Variants in EHMT1 observed in about 807,000 individuals in gnomAD.
EHMT1 encodes the protein euchromatic histone lysine methyltransferase 1.
EHMT1 carries 15 observed loss-of-function variants against 147.2 expected under a neutral mutation model. The observed-to-expected ratio is 0.10, with a 90% CI of 0.07 to 0.16. EHMT1 has a LOEUF of 0.16. Ranked by LOEUF, EHMT1 falls within the 10% of genes least tolerant of loss-of-function variation. The pLI is 1.00. For missense variants in EHMT1, 1,587 were observed against 1,772.4 expected (o/e 0.90, Z 1.88); for synonymous variants, 795 against 709.6 (o/e 1.12, Z -1.91).
chr9:137,670,059 C>T (rs898908307), intron 1 of EHMT1, among the ~76,000 whole-genome samples: 4 of 152,088 alleles, frequency 2.6e-5, no homozygotes, highest in Middle Eastern at 3.2e-3. Context: ...GAGGTTTCAC[C>T]TTGTTGGCCA....
At chr9:137,675,157 G>A (rs1298945001) in intron 1 of EHMT1, 1 of 152,236 alleles carries the variant, frequency 6.6e-6, no homozygotes, top group East Asian at 1.9e-4. Flanking sequence ...GTCATGAAGT[G>A]TGAACTTGAT....
At chr9:137,664,799 T>C (rs1939452939) in intron 1 of EHMT1, 1 of 152,290 alleles carries the variant, frequency 6.6e-6, no homozygotes, top group Non-Finnish European at 1.5e-5. Context: ...GACCACGCTC[T>C]GTTGCCTTAA....
intron 1 of EHMT1, among the ~76,000 whole-genome samples, chr9:137,689,744 TTTGGGTACCTGCGA>T (rs1249654194): frequency 6.6e-6 from 1 of 152,182 alleles, no homozygotes; most frequent in Non-Finnish European, 1.5e-5. Flanking sequence ...TACACATTTT[TTTGGGTACCTGCGA>T]TTGTCATTTG....
intron 1 of EHMT1, among the ~76,000 whole-genome samples, chr9:137,675,629 AATT>A (rs1941188592): frequency 1.0e-5 from 1 of 99,776 alleles, no homozygotes; most frequent in African/African-American, 5.7e-5. Flanking sequence ...ACGCCCGGCT[AATT>A]TTTTTTTTTT....
intron 6 of EHMT1, 125 bp from the exon 7 acceptor site, chr9:137,752,206 C>T (rs527530234): frequency 2.6e-5 from 31 of 1,179,560 alleles, no homozygotes; most frequent in East Asian, 5.1e-5. Flanking sequence ...GCCCCGCGAG[C>T]GTCTCCGGCG....
intron 2 of EHMT1, among the ~76,000 whole-genome samples, chr9:137,713,495 TCTC>T (rs1944932007): frequency 6.6e-6 from 1 of 151,408 alleles, no homozygotes. Flanking sequence ...ATGGTCTCCA[TCTC>T]CTGACCTCAT....
intron 1 of EHMT1, among the ~76,000 whole-genome samples, chr9:137,653,803 C>T (rs576432223): frequency 5.1e-4 from 78 of 152,296 alleles, no homozygotes; most frequent in Non-Finnish European, 6.2e-4. Flanking sequence ...GGATTACAGG[C>T]GTTAGCCACT....
At chr9:137,831,458 T>C (rs1956183523) in intron 25 of EHMT1, among the ~76,000 whole-genome samples, 1 of 152,216 alleles carries the variant, frequency 6.6e-6, no homozygotes, top group African/African-American at 2.4e-5. Flanking sequence ...TACAAGTCAA[T>C]TTGTTTGACT....
intron 10 of EHMT1, among the ~76,000 whole-genome samples, chr9:137,773,977 T>C (rs1272224880): frequency 6.6e-6 from 1 of 152,148 alleles, no homozygotes; most frequent in Non-Finnish European, 1.5e-5. Context: ...GGTGCCCTCA[T>C]TGCTTCCACC....
chr9:137,809,837 G>A (rs563950325), intron 18 of EHMT1, among the ~76,000 whole-genome samples: 85 of 152,012 alleles, frequency 5.6e-4, no homozygotes, highest in African/African-American at 1.9e-3. Context: ...TGGGGGAAGG[G>A]TCCGGAGGCG....
intron 3 of EHMT1, among the ~76,000 whole-genome samples, chr9:137,721,001 C>G (rs951629512): frequency 6.6e-6 from 1 of 152,018 alleles, no homozygotes. Context: ...CGCCTTTCTC[C>G]CCTCCTCGCC....
At chr9:137,735,440 A>G (rs1001747545) in intron 4 of EHMT1, among the ~76,000 whole-genome samples, 2 of 152,226 alleles carry the variant, frequency 1.3e-5, no homozygotes, top group Non-Finnish European at 2.9e-5. Flanking sequence ...TTCCACTATA[A>G]AAAATCAACT....
intron 1 of EHMT1, among the ~76,000 whole-genome samples, chr9:137,621,838 T>C (rs1435269057): frequency 6.6e-6 from 1 of 152,092 alleles, no homozygotes; most frequent in South Asian, 2.1e-4. Flanking sequence ...TATGTATCGC[T>C]TCTTTATTTT....
intron 15 of EHMT1, chr9:137,788,296 GCTGGTAGGA>G: frequency 2.4e-6 from 1 of 418,344 alleles, no homozygotes; most frequent in Non-Finnish European, 4.2e-6. Context: ...TGACCGAGCG[GCTGGTAGGA>G]CTGGCATGCA....
At chr9:137,748,936 A>ACTTGCCAGAACCTGTTG (rs1436847216) in intron 6 of EHMT1, among the ~76,000 whole-genome samples, 1 of 152,152 alleles carries the variant, frequency 6.6e-6, no homozygotes, top group African/African-American at 2.4e-5. Flanking sequence ...CTCAGAAGCC[A>ACTTGCCAGAACCTGTTG]CTTGCCAGAA....
rs1169339318 is a variant in EHMT1, at chr9:137,813,823, G to C, written c.3180+293G>C. ...TTGTAACCTCACACTCAGGGGCCCC[G>C]GTGTGGCTTCGTGCTGGGGGCACAG... On this transcript the variant is annotated intron_variant, in intron 21 of 26. Transcript: ENST00000460843. This position sits in a 1 kb window ranked among gnomAD's most constrained non-coding sequence, Gnocchi z 4.9. Among the ~76,000 whole-genome samples, 1 of 152,258 alleles carries C rather than the reference G, an allele frequency of 6.6e-6. No homozygotes were observed. The highest frequency in any genetic ancestry group is 2.1e-4 in the South Asian group (1 of 4,828).
intron 1 of EHMT1, among the ~76,000 whole-genome samples, chr9:137,685,492 G>GT (rs1313077786): frequency 6.6e-6 from 1 of 152,204 alleles, no homozygotes; most frequent in African/African-American, 2.4e-5. Context: ...GGGCACATGA[G>GT]TTTTTTCCTA....
intron 22 of EHMT1, chr9:137,814,844 T>C: frequency 8.4e-6 from 4 of 477,710 alleles, no homozygotes; most frequent in Non-Finnish European, 1.2e-5. Flanking sequence ...GCCTTGTGCT[T>C]GCTGAGTGTG....
At chr9:137,783,656 T>C (rs1473940154) in intron 15 of EHMT1, among the ~76,000 whole-genome samples, 1 of 152,212 alleles carries the variant, frequency 6.6e-6, no homozygotes, top group South Asian at 2.1e-4. Context: ...GCTGTTTTGT[T>C]GGGGCCCCCA....
Sources: gnomAD v4.1 joint callset for allele counts (sites outside exome capture counted in the v4.1 genomes callset) on GRCh38, gnomAD v4.1.1 for gene constraint, Gnocchi (gnomAD v3.1) non-coding constraint, MANE v1.5 for transcripts, NCBI Gene and HGNC (gene_info 2026-07-23, HGNC 2026-07-21) for gene names.